SLC35F1: variants seen among roughly 807,000 people sequenced by gnomAD.
The protein encoded by SLC35F1 is chromosome 6 open reading frame 169.
In SLC35F1, 14 loss-of-function variants were observed where a neutral mutation model predicts 48.7. That is an observed-to-expected ratio of 0.29 (90% confidence interval 0.19 to 0.45). The LOEUF is 0.45. SLC35F1 is among the 20% of genes least tolerant of loss of function. The pLI is 1.00. For missense variants in SLC35F1, 404 were observed against 500.0 expected, an observed-to-expected ratio of 0.81 and a Z score of 1.83; for synonymous variants, 190 against 202.2, an observed-to-expected ratio of 0.94 and a Z score of 0.51.
At position 117,907,725 on chromosome 6, in the gene SLC35F1, C is replaced by T. The variant is rs748804584; in HGVS notation, c.-2C>T. On this transcript the variant is annotated 5_prime_UTR_variant, in exon 1 of 8. Coordinates refer to ENST00000360388, the MANE Select transcript of SLC35F1 (RefSeq NM_001029858.4). ...CGCCGCCGCGCCTCAGCCTCTGCCG[C>T]GATGATCCCCCCTGAGCAGCCGCAG... The T allele has an allele frequency of 8.6e-6, 13 of 1,518,650 alleles. No individual in the cohort carries two copies. The highest frequency in any genetic ancestry group is 1.1e-5 in the Non-Finnish European group (12 of 1,133,606). The allele number at this position is 1,518,650 out of a possible 1,614,324, so 94.1% of individuals were successfully genotyped here. A position where few individuals can be genotyped will look rare whatever the true frequency, so the allele number is the denominator to read the frequency against.
chr6:118,282,764 C>T (rs1438060404), intron 6 of SLC35F1, among the ~76,000 whole-genome samples: 1 of 152,178 alleles, frequency 6.6e-6, no homozygotes, highest in Non-Finnish European at 1.5e-5. Flanking sequence ...GCTCTCCTTT[C>T]CCTCACCACC....
At chr6:118,018,419 A>C (rs1312615257) in intron 1 of SLC35F1, among the ~76,000 whole-genome samples, 1 of 152,108 alleles carries the variant, frequency 6.6e-6, no homozygotes, top group Non-Finnish European at 1.5e-5. Context: ...CCTACCTTAC[A>C]GGGTTATTAT....
In SLC35F1 at chr6:118,156,939, AT is replaced by A. The variant is rs145999733; in HGVS notation, c.349+2322del. Among the ~76,000 whole-genome samples, 643 of 152,300 alleles carry A rather than the reference AT, an allele frequency of 4.2e-3. 4 individuals are homozygous for A. The highest frequency in any genetic ancestry group is 0.014 in the African/African-American group (576 of 41,566). On this transcript the variant is annotated intron_variant, in intron 2 of 7. Coordinates refer to ENST00000360388, the MANE Select transcript of SLC35F1 (RefSeq NM_001029858.4). Reference sequence around the variant, plus strand: ...GAGAATTATTTCAACCATACCAATAATTTATAGGTAGAGGCTAAAAAAGCTT... The same window carrying A: ...GAGAATTATTTCAACCATACCAATAATTATAGGTAGAGGCTAAAAAAGCTT...
intron 1 of SLC35F1, among the ~76,000 whole-genome samples, chr6:117,923,651 G>GTATATATACATATA (rs1554216680): frequency 0.023 from 397 of 17,434 alleles, 48 homozygotes; most frequent in Middle Eastern, 0.062. Flanking sequence ...ATGTACATAT[G>GTATATATACATATA]TACATATGTA....
intron 1 of SLC35F1, among the ~76,000 whole-genome samples, chr6:118,008,878 G>T (rs1777208328): frequency 6.6e-6 from 1 of 152,060 alleles, no homozygotes; most frequent in Non-Finnish European, 1.5e-5. Flanking sequence ...TCAGAATATG[G>T]CTCTTCTGCT....
At chr6:118,280,718 A>C (rs947034551) in intron 6 of SLC35F1, among the ~76,000 whole-genome samples, 4 of 151,976 alleles carry the variant, frequency 2.6e-5, no homozygotes, top group Non-Finnish European at 5.9e-5. Flanking sequence ...CCTCTACTAA[A>C]AATACAAAAA....
At chr6:118,127,958 T>G (rs1013583093) in intron 1 of SLC35F1, among the ~76,000 whole-genome samples, 2 of 151,862 alleles carry the variant, frequency 1.3e-5, no homozygotes, top group African/African-American at 4.8e-5. Flanking sequence ...TGAAACAAAT[T>G]TATAGGAAAA....
intron 1 of SLC35F1, among the ~76,000 whole-genome samples, chr6:118,133,173 G>T (rs947893189): frequency 1.3e-5 from 2 of 152,174 alleles, no homozygotes; most frequent in Non-Finnish European, 2.9e-5. Flanking sequence ...TCAGTAATCT[G>T]TGATCTGCCC....
chr6:118,075,477 G>A (rs78566621), intron 1 of SLC35F1, among the ~76,000 whole-genome samples: 2,216 of 152,248 alleles, frequency 0.015, 62 homozygotes, highest in African/African-American at 0.05. Context: ...ATAACTGTAA[G>A]CCAATATGTA....
chr6:118,197,047 G>T (rs572306089), intron 2 of SLC35F1, among the ~76,000 whole-genome samples: 2 of 150,944 alleles, frequency 1.3e-5, no homozygotes, highest in South Asian at 4.2e-4. Flanking sequence ...GTACTTCTGT[G>T]AGATGATGGG....
intron 4 of SLC35F1, among the ~76,000 whole-genome samples, chr6:118,268,102 G>A (rs1278883558): frequency 6.6e-6 from 1 of 152,156 alleles, no homozygotes; most frequent in Non-Finnish European, 1.5e-5. Context: ...TGTCATGTAT[G>A]TTGTACCATA....
At chr6:117,915,193 C>T (rs1423584911) in intron 1 of SLC35F1, among the ~76,000 whole-genome samples, 2 of 152,052 alleles carry the variant, frequency 1.3e-5, no homozygotes, top group East Asian at 1.9e-4. Flanking sequence ...TACAACCTAA[C>T]GAGAGTGTTT....
At chr6:118,164,869 A>G (rs1418055561) in intron 2 of SLC35F1, among the ~76,000 whole-genome samples, 2 of 152,210 alleles carry the variant, frequency 1.3e-5, no homozygotes, top group African/African-American at 4.8e-5. Flanking sequence ...GTCATTTTAG[A>G]TATTTTCTTA....
chr6:117,921,053 GACACACACACAC>G (rs60793418), intron 1 of SLC35F1, among the ~76,000 whole-genome samples: 1,747 of 149,480 alleles, frequency 0.012, 21 homozygotes, highest in African/African-American at 0.032. Context: ...ATTTCTCTTT[GACACACACACAC>G]ACACACACAC....
chr6:118,012,606 C>T (rs1171937941), intron 1 of SLC35F1, among the ~76,000 whole-genome samples: 2 of 152,104 alleles, frequency 1.3e-5, no homozygotes, highest in African/African-American at 4.8e-5. Flanking sequence ...ACTTAACCTC[C>T]CTGAAGTGAG....
intron 1 of SLC35F1, among the ~76,000 whole-genome samples, chr6:118,016,109 T>C (rs1777317499): frequency 6.6e-6 from 1 of 152,216 alleles, no homozygotes; most frequent in Non-Finnish European, 1.5e-5. Flanking sequence ...CATTCTCTAG[T>C]TTTCTTACTC....
At chr6:117,942,108 G>A (rs552654770) in intron 1 of SLC35F1, among the ~76,000 whole-genome samples, 3 of 152,180 alleles carry the variant, frequency 2.0e-5, no homozygotes, top group African/African-American at 7.2e-5. Flanking sequence ...ACACTTTGCA[G>A]TATCACATCT....
chr6:117,939,428 G>A (rs1776201950), intron 1 of SLC35F1, among the ~76,000 whole-genome samples: 1 of 152,160 alleles, frequency 6.6e-6, no homozygotes, highest in African/African-American at 2.4e-5. Flanking sequence ...TTTTCCTCGG[G>A]TTCTTGCCCT....
intron 1 of SLC35F1, among the ~76,000 whole-genome samples, chr6:118,064,753 C>T: frequency 6.6e-6 from 1 of 152,182 alleles, no homozygotes; most frequent in Non-Finnish European, 1.5e-5. Flanking sequence ...GAATTTATTA[C>T]TATCTGCATT....
Sources: gnomAD v4.1 joint callset for allele counts (sites outside exome capture counted in the v4.1 genomes callset) on GRCh38, gnomAD v4.1.1 for gene constraint, MANE v1.5 for transcripts, NCBI Gene and HGNC (gene_info 2026-07-23, HGNC 2026-07-21) for gene names.